Variants in SLC39A14 observed in about 807,000 individuals in gnomAD.
SLC39A14 encodes metal cation symporter ZIP14.
Under a neutral mutation model 45.5 loss-of-function variants are expected in SLC39A14, and 19 were observed. The ratio of observed to expected loss-of-function variants is 0.42; its 90% CI spans 0.29 to 0.61. The LOEUF (loss-of-function observed/expected upper bound fraction) is 0.61, where lower values mean the gene tolerates loss of function less well. Ranked by LOEUF, SLC39A14 falls within the 20% of genes least tolerant of loss-of-function variation. The probability of loss-of-function intolerance (pLI) is 0.22; values close to 1 mark genes in which losing one functional copy is unlikely to be tolerated. For missense variants in SLC39A14, 447 were observed against 616.5 expected, an observed-to-expected ratio of 0.73 and a Z score of 2.91; for synonymous variants, 264 against 251.3, an observed-to-expected ratio of 1.05 and a Z score of -0.48.
chr8:22,420,431 A>C lies in SLC39A14; in HGVS notation c.*733A>C. ...CTAACGTGGCGGTGTGGCTGCCTGG[A>C]CCTCCTCTTTCAGGTTAACGCTGAC... On this transcript the variant is annotated 3_prime_UTR_variant, in exon 9 of 9. Transcript: ENST00000381237. 1 of 985,178 alleles carries C rather than the reference A, an allele frequency of 1.0e-6. No homozygotes were observed. The highest frequency in any genetic ancestry group is 1.7e-5 in the African/African-American group (1 of 57,260). The allele number at this position is 985,178 out of a possible 1,614,324, so 61.0% of individuals were successfully genotyped here.
chr8:22,391,920 TAGA>T (rs1472142842), intron 1 of SLC39A14, among the ~76,000 whole-genome samples: 8 of 152,280 alleles, frequency 5.3e-5, no homozygotes, highest in African/African-American at 9.6e-5. Context: ...CGACTTCAGT[TAGA>T]AGGGAGGCAA....
At chr8:22,423,357 A>G (rs533169075), downstream of SLC39A14, among the ~76,000 whole-genome samples, 5 of 141,940 alleles carry the variant, frequency 3.5e-5, no homozygotes, top group African/African-American at 1.3e-4. Context: ...TTTTTTTGAG[A>G]CGGAATCTCA....
At chr8:22,393,912 A>G (rs879529113) in intron 1 of SLC39A14, among the ~76,000 whole-genome samples, 25 of 152,180 alleles carry the variant, frequency 1.6e-4, no homozygotes, top group African/African-American at 5.1e-4. Flanking sequence ...AGCTCAAGCA[A>G]TCTACCTGCC....
downstream of SLC39A14, among the ~76,000 whole-genome samples, chr8:22,423,358 C>T (rs188506949): frequency 2.4e-3 from 348 of 142,486 alleles, 2 homozygotes; most frequent in African/African-American, 8.4e-3. Context: ...TTTTTTGAGA[C>T]GGAATCTCAC....
intron 1 of SLC39A14, among the ~76,000 whole-genome samples, chr8:22,394,010 G>GTTT (rs35225179): frequency 2.2e-5 from 3 of 138,146 alleles, no homozygotes; most frequent in African/African-American, 5.4e-5. Flanking sequence ...CTGAAGGGGT[G>GTTT]TTTTTTTTTT....
chr8:22,381,218 C>T (rs1265224008), intron 1 of SLC39A14, among the ~76,000 whole-genome samples: 3 of 152,148 alleles, frequency 2.0e-5, no homozygotes, highest in East Asian at 1.9e-4. Context: ...GTGATCTGCC[C>T]GCCTCGGCCT....
intron 1 of SLC39A14, among the ~76,000 whole-genome samples, chr8:22,401,047 G>A (rs1279070921): frequency 6.6e-6 from 1 of 152,228 alleles, no homozygotes; most frequent in Non-Finnish European, 1.5e-5. Context: ...GAAAACTGAA[G>A]GTAGAGGGAG....
chr8:22,425,889 G>GTTTTTTTTTT (rs549782856), downstream of SLC39A14, among the ~76,000 whole-genome samples: 4 of 76,316 alleles, frequency 5.2e-5, 2 homozygotes, highest in African/African-American at 1.5e-4. Context: ...GATGGTTTTT[G>GTTTTTTTTTT]TTTTTTTTTT....
At chr8:22,410,008 G>A (rs142759075) in intron 3 of SLC39A14, 35 of 1,613,950 alleles carry the variant, frequency 2.2e-5, no homozygotes, top group Middle Eastern at 1.6e-4. Flanking sequence ...GGGAGTCCTC[G>A]TCCTGCCCTG....
Position 22,416,243 on chromosome 8 carries a change from G to C in SLC39A14, c.1110G>C (p.Ser370=), listed in dbSNP as rs200256845. Residue 370 remains serine, a synonymous_variant, in exon 7 of 9, where the codon TCG becomes TCC. Coordinates refer to ENST00000381237, the MANE Select transcript of SLC39A14 (RefSeq NM_001128431.4). ...TVSVFQGIST[S]VAILCEEFPH... ...CAGTTTTCCAAGGCATCAGCACCTCGGTGGCCATCCTCTGTGAGGAGTTCC... is the reference window on the plus strand; with the variant it reads ...CAGTTTTCCAAGGCATCAGCACCTCCGTGGCCATCCTCTGTGAGGAGTTCC... The C allele has an allele frequency of 3.7e-6, 6 of 1,613,250 alleles. No homozygotes were observed. In the East Asian group the frequency reaches 1.3e-4, roughly 36 times the overall value.
At chr8:22,401,764 GA>G (rs1280899694) in intron 1 of SLC39A14, among the ~76,000 whole-genome samples, 3 of 151,858 alleles carry the variant, frequency 2.0e-5, no homozygotes, top group Non-Finnish European at 4.4e-5. Flanking sequence ...TCGAACTCCT[GA>G]GCTCAAGTGA....
At chr8:22,404,498 T>G (rs1272549363) in intron 1 of SLC39A14, 198 bp from the exon 2 acceptor site, 11 of 369,788 alleles carry the variant, frequency 3.0e-5, no homozygotes, top group Admixed American at 1.8e-4. Flanking sequence ...TAGTCAAAAC[T>G]GTTGAATTTG....
chr8:22,396,253 G>C (rs1027478056), intron 1 of SLC39A14, among the ~76,000 whole-genome samples: 1 of 151,558 alleles, frequency 6.6e-6, no homozygotes, highest in African/African-American at 2.4e-5. Flanking sequence ...TGTAATTCCA[G>C]CTACTCAGGA....
intron 1 of SLC39A14, among the ~76,000 whole-genome samples, chr8:22,381,162 C>CG (rs1833487142): frequency 6.6e-6 from 1 of 151,850 alleles, no homozygotes; most frequent in Non-Finnish European, 1.5e-5. Flanking sequence ...TTAGTAGAGA[C>CG]GGGGTTTCAC....
chr8:22,395,607 G>C (rs904884458), intron 1 of SLC39A14, among the ~76,000 whole-genome samples: 3 of 152,194 alleles, frequency 2.0e-5, no homozygotes, highest in Non-Finnish European at 4.4e-5. Flanking sequence ...ATAATGTATT[G>C]GTTCTTCAGT....
rs1184945804 is a variant in SLC39A14 at position 22,422,486 on chromosome 8, A to G, written c.*2788A>G. ...TATGCTGGGCATCTACTTTAAAACA[A>G]AGTTGTCTGATTTTTGCAAGAGAGG... On this transcript the variant is annotated 3_prime_UTR_variant, in exon 9 of 9. Transcript: ENST00000381237. 2 of 985,736 alleles carry G rather than the reference A, an allele frequency of 2.0e-6. No homozygotes were observed. Among genetic ancestry groups the G allele is most frequent in the Non-Finnish European group, 2.4e-6 (2 of 829,942 alleles). The allele number at this position is 985,736 out of a possible 1,614,324, so 61.1% of individuals were successfully genotyped here. A position where few individuals can be genotyped will look rare whatever the true frequency, so the allele number is the denominator to read the frequency against.
rs961127093 is a variant in SLC39A14 at position 22,405,105 on chromosome 8, C to G, written c.270+125C>G. On this transcript the variant is annotated intron_variant, in intron 2 of 8. Transcript: ENST00000381237. Reference sequence around the variant, plus strand: ...GAGGTAGGATGAGGCAGACAAGTCTCGATGATAGAGTGGACAGGCTGATTC... The same window carrying G: ...GAGGTAGGATGAGGCAGACAAGTCTGGATGATAGAGTGGACAGGCTGATTC... 9.7e-6 allele frequency: 8 copies of G among 825,644 alleles called. No homozygotes were observed. In the East Asian group the frequency reaches 2.1e-4, roughly 22 times the overall value. 51.1% of individuals were successfully genotyped at this position (825,644 alleles called of 1,614,324 possible).
chr8:22,388,318 C>T (rs886517830), intron 1 of SLC39A14, among the ~76,000 whole-genome samples: 1 of 152,122 alleles, frequency 6.6e-6, no homozygotes, highest in African/African-American at 2.4e-5. Context: ...GGGGTGCGTG[C>T]AAACCACTGA....
chr8:22,402,404 G>A (rs573349991), intron 1 of SLC39A14, among the ~76,000 whole-genome samples: 1 of 151,688 alleles, frequency 6.6e-6, no homozygotes, highest in Non-Finnish European at 1.5e-5. Flanking sequence ...AAAAAAGAAA[G>A]AGTCCCATTA....
Sources: gnomAD v4.1 joint callset for allele counts (sites outside exome capture counted in the v4.1 genomes callset) on GRCh38, gnomAD v4.1.1 for gene constraint, MANE v1.5 for transcripts, NCBI Gene and HGNC (gene_info 2026-07-23, HGNC 2026-07-21) for gene names.